Variants in TCIRG1 observed in about 807,000 individuals in gnomAD.
The protein encoded by TCIRG1 is V-type proton ATPase 116 kDa subunit a 3.
A neutral mutation model predicts 95.5 loss-of-function variants in TCIRG1; 86 were observed. The observed-to-expected ratio is 0.90, with a 90% CI of 0.76 to 1.08. TCIRG1 has a LOEUF of 1.08. Ranked by LOEUF, TCIRG1 falls within the 50% of genes least tolerant of loss-of-function variation. The pLI is 0.00. For missense variants in TCIRG1, 1,069 were observed against 1,140.2 expected, an observed-to-expected ratio of 0.94 and a Z score of 0.90; for synonymous variants, 499 against 501.3, an observed-to-expected ratio of 1.00 and a Z score of 0.06.
At chr11:68,044,669 G>T (rs1046017778) in intron 9 of TCIRG1, 7 of 590,934 alleles carry the variant, frequency 1.2e-5, no homozygotes, top group African/African-American at 1.1e-4. Context: ...GCCTCCGGGG[G>T]TCACCCGCCG....
At position 68,050,531 on chromosome 11, in the gene TCIRG1, G is replaced by C. The variant is rs778205590; in HGVS notation, c.2281G>C (p.Gly761Arg). 6.2e-7 allele frequency: 1 copy of C among 1,613,824 alleles called. No homozygotes were observed. Among genetic ancestry groups the C allele is most frequent in the African/African-American group, 1.3e-5 (1 of 75,056 alleles). The change falls in exon 19 of 20, where the codon GGC becomes CGC. Residue 761 changes from glycine (G) to arginine (R), a missense_variant. Transcript: ENST00000265686. ...GGCCATGGTGATGCGCATAGGCCTG[G>C]GCCTGGGCCGGGAGGTGGGCGTGGC... The part of the protein sequence containing the change: ...LWAMVMRIGL[G>R]LGREVGVAAV...
At chr11:68,050,107 C>T (rs2134464277) in intron 17 of TCIRG1, 30 bp from the exon 18 acceptor site, 1 of 1,612,292 alleles carries the variant, frequency 6.2e-7, no homozygotes, top group East Asian at 2.2e-5. Context: ...GGCTGAGGCC[C>T]TGCCGGCCCT....
intron 9 of TCIRG1, among the ~76,000 whole-genome samples, chr11:68,044,606 C>T (rs967218183): frequency 6.6e-6 from 1 of 152,202 alleles, no homozygotes; most frequent in Non-Finnish European, 1.5e-5. Context: ...CAATCCAGGC[C>T]CCCCTGTGAC....
At chr11:68,042,603 CAA>C in intron 3 of TCIRG1, 38 bp from the exon 4 acceptor site, 3 of 1,492,868 alleles carry the variant, frequency 2.0e-6, no homozygotes, top group Non-Finnish European at 1.8e-6. Flanking sequence ...ACTGTTGAGA[CAA>C]CCTCAACTGC....
intron 9 of TCIRG1, 193 bp from the exon 10 acceptor site, chr11:68,044,765 T>G: frequency 1.4e-6 from 1 of 699,632 alleles, no homozygotes; most frequent in South Asian, 1.8e-5. Context: ...CCCAAGCAAT[T>G]GCCAATCCAT....
chr11:68,051,061 G>A, downstream of TCIRG1: 1 of 583,376 alleles, frequency 1.7e-6, no homozygotes, highest in East Asian at 3.0e-5. Context: ...AAGGAGAGAT[G>A]TTTCCAGCAC....
chr11:68,041,279 C>T lies in TCIRG1; in HGVS notation c.8C>T (p.Ser3Phe), dbSNP rs201972729. MG[S>F]MFRSEEVALV... ...GTGTCCACCCACAGGACCATGGGCT[C>T]CATGTTCCGGAGCGAGGAGGTGGCC... is the stretch of plus-strand genomic sequence containing the variant. The change falls in exon 2 of 20, where the codon TCC (serine) becomes TTC (phenylalanine). Residue 3 changes from serine (S) to phenylalanine (F), a missense_variant. Transcript: ENST00000265686. 7.9e-5 allele frequency: 128 copies of T among 1,612,434 alleles called. No individual in the cohort carries two copies. The highest frequency in any genetic ancestry group is 1.6e-4 in the Middle Eastern group (1 of 6,084).
chr11:68,043,510 C>T lies in TCIRG1; in HGVS notation c.630+13C>T, dbSNP rs772781888. 1.6e-5 allele frequency: 25 copies of T among 1,576,956 alleles called. No individual in the cohort carries two copies. Among genetic ancestry groups the T allele is most frequent in the Non-Finnish European group, 2.2e-5 (25 of 1,161,566 alleles). On this transcript the variant is annotated intron_variant, in intron 6 of 19. Transcript: ENST00000265686. ...GCACCCCGTGACGGTGAGCAGCTGG[C>T]GCTGGGCTGGGGGGTCCTGGGCAGA...
rs949392573 is a variant in TCIRG1, at chr11:68,043,002, C to T, written c.474C>T (p.Pro158=). 11 of 1,552,254 alleles carry T rather than the reference C, an allele frequency of 7.1e-6. No homozygotes were observed. Among genetic ancestry groups the T allele is most frequent in the African/African-American group, 2.7e-5 (2 of 73,088 alleles). Residue 158 remains proline (P), a synonymous_variant, in exon 5 of 20, where the codon CCC becomes CCT. Transcript: ENST00000265686. ...ASERTPLLQA[P]GGPHQDLRVN... is the part of the protein sequence containing the mutation. ...AGAGGACGCCCCTGCTCCAGGCCCC[C>T]GGGGGGCCGCACCAGGACCTGAGGG...
chr11:68,043,735 C>T (rs1855301645), intron 7 of TCIRG1, 79 bp from the exon 8 acceptor site: 3 of 1,537,382 alleles, frequency 2.0e-6, no homozygotes, highest in African/African-American at 1.4e-5. Flanking sequence ...ATCGTGACTC[C>T]TCCCCATGAG....
downstream of TCIRG1, chr11:68,051,016 C>T (rs1190591147): frequency 1.5e-6 from 1 of 654,020 alleles, no homozygotes; most frequent in Non-Finnish European, 2.7e-6. Flanking sequence ...GCAATAATGT[C>T]AGACTCTTGG....
In TCIRG1 at chr11:68,049,693, G is replaced by T. The variant is rs145538370; in HGVS notation, c.1918G>T (p.Ala640Ser). The T allele has an allele frequency of 1.9e-5, 31 of 1,600,006 alleles. No homozygotes were observed. The African/African-American group carries it at 3.1e-4, about 16-fold the overall frequency. Residue 640 changes from alanine (A) to serine (S), a missense_variant, in exon 16 of 20, where the codon GCC becomes TCC. Ala to Ser is a moderately conservative substitution (Grantham distance 99, BLOSUM62 1). Coordinates refer to ENST00000265686, the MANE Select transcript of TCIRG1 (RefSeq NM_006019.4). The stretch of plus-strand genomic sequence containing the variant: ...GGTCCAGGCCACGCTGGTGGTCCTG[G>T]CCTTGGCCATGGTGCCCATCCTGCT... ...EVVQATLVVLALAMVPILLLG... is the reference protein window; with the variant it reads ...EVVQATLVVLSLAMVPILLLG...
intron 1 of TCIRG1, among the ~76,000 whole-genome samples, chr11:68,040,655 G>T (rs1398719049): frequency 6.6e-6 from 1 of 152,210 alleles, no homozygotes; most frequent in Non-Finnish European, 1.5e-5. Flanking sequence ...CATCGGCCTT[G>T]AGCAAGGCCC....
chr11:68,047,669 G>T lies in TCIRG1; in HGVS notation c.1328G>T (p.Gly443Val), dbSNP rs757208775. The change falls in exon 12 of 20, where the codon GGC (glycine) becomes GTC (valine). Residue 443 changes from glycine (G) to valine (V), a missense_variant. By Grantham distance (109) the Gly-to-Val change is moderately radical. Coordinates refer to ENST00000265686, the MANE Select transcript of TCIRG1 (RefSeq NM_006019.4). ...CAGATCTGGCAGACTTTCTTCAGGG[G>T]CCGCTACCTGCTCCTGCTTATGGGC... ...QNEIWQTFFR[G>V]RYLLLLMGLF... 1 of 1,613,394 alleles carries T rather than the reference G, an allele frequency of 6.2e-7. No individual in the cohort carries two copies. Among genetic ancestry groups the T allele is most frequent in the Non-Finnish European group, 8.5e-7 (1 of 1,180,000 alleles).
At chr11:68,047,308 A>C in intron 10 of TCIRG1, 125 bp from the exon 11 acceptor site, 1 of 656,680 alleles carries the variant, frequency 1.5e-6, no homozygotes, top group South Asian at 1.5e-5. Flanking sequence ...GGCATGAGCC[A>C]CTGTGCCTGG....
chr11:68,051,050 C>G (rs1855779930), downstream of TCIRG1: 1 of 599,404 alleles, frequency 1.7e-6, no homozygotes, highest in African/African-American at 1.9e-5. Flanking sequence ...AGAAAAGGGC[C>G]AAGGAGAGAT....
At chr11:68,051,991 G>GGGGTGCC (rs1855813369), downstream of TCIRG1, 5 of 152,884 alleles carry the variant, frequency 3.3e-5, no homozygotes, top group African/African-American at 9.6e-5. Context: ...CCTGGCAGTG[G>GGGGTGCC]TGGCTAGAGA....
At position 68,042,775 on chromosome 11, in the gene TCIRG1, A is replaced by G. The variant is rs776027825; in HGVS notation, c.329A>G (p.Asp110Gly). Residue 110 changes from aspartate (D) to glycine (G), a missense_variant, in exon 4 of 20, where the codon GAT (aspartate) becomes GGT (glycine). By Grantham distance (94) the Asp-to-Gly change is moderately conservative (BLOSUM62 -1). Coordinates refer to ENST00000265686, the MANE Select transcript of TCIRG1 (RefSeq NM_006019.4). ...GAGCGCCTGGCCCAGGAGCTGCGGG[A>G]TGTGCGGGGCAACCAGCAGGCCCTG... ...ETERLAQELRDVRGNQQALRA... is the reference protein window; with the variant it reads ...ETERLAQELRGVRGNQQALRA... The G allele has an allele frequency of 3.2e-6, 5 of 1,547,792 alleles. No individual in the cohort carries two copies. The Admixed American group carries it at 5.9e-5, about 18-fold the overall frequency.
chr11:68,044,790 C>T, intron 9 of TCIRG1, 168 bp from the exon 10 acceptor site: 1 of 827,904 alleles, frequency 1.2e-6, no homozygotes. Flanking sequence ...TGTCTTTGGG[C>T]CCCCACCAGG....
Sources: gnomAD v4.1 joint callset for allele counts (sites outside exome capture counted in the v4.1 genomes callset) on GRCh38, gnomAD v4.1.1 for gene constraint, MANE v1.5 for transcripts, NCBI Gene and HGNC (gene_info 2026-07-23, HGNC 2026-07-21) for gene names.